The following CDK11B variants were observed in gnomAD, a reference collection of about 807,000 sequenced individuals.
CDK11B encodes the protein cyclin dependent kinase 11B.
Under a neutral mutation model 84.0 loss-of-function variants are expected in CDK11B, and 37 were observed. The ratio of observed to expected loss-of-function variants is 0.44; its 90% CI spans 0.34 to 0.58. CDK11B has a LOEUF of 0.58. CDK11B is among the 20% of genes least tolerant of loss of function. The pLI is 0.02. For missense variants in CDK11B, 427 were observed against 834.0 expected (o/e 0.51, Z 6.01); for synonymous variants, 269 against 309.8 (o/e 0.87, Z 1.38).
chr1:1,658,088 C>T (rs1451204596), intron 1 of CDK11B, among the ~76,000 whole-genome samples: 6 of 147,088 alleles, frequency 4.1e-5, no homozygotes, highest in African/African-American at 1.6e-4. Context: ...GCAGCAGAAT[C>T]GCTTGAATCC....
chr1:1,641,055 G>C lies in CDK11B; in HGVS notation c.1068C>G (p.Leu356=). 6.3e-7 allele frequency: 1 copy of C among 1,591,792 alleles called. No homozygotes were observed. Among genetic ancestry groups the C allele is most frequent in the Non-Finnish European group, 8.6e-7 (1 of 1,165,458 alleles). Residue 356 remains leucine (L), a synonymous_variant, in exon 10 of 20, where the codon CTC becomes CTG. Coordinates refer to ENST00000341832, the MANE Select transcript of CDK11B (RefSeq NM_033486.3). The stretch of plus-strand genomic sequence containing the variant: ...CTCCAGGGAGGTTCTTACCAACCAA[G>C]AGGTGGTTTTCATTTTCTCGTTCTT... ...EDEERENENH[L]LVVPESRFDR...
chr1:1,658,016 A>C (rs1643003435), intron 1 of CDK11B, among the ~76,000 whole-genome samples: 1 of 150,748 alleles, frequency 6.6e-6, no homozygotes, highest in African/African-American at 2.5e-5. Flanking sequence ...TCCACTAAAA[A>C]TACAAAACTT....
At chr1:1,638,046 G>C (rs1178144365) in intron 12 of CDK11B, among the ~76,000 whole-genome samples, 163 bp from the exon 13 acceptor site, 2 of 152,210 alleles carry the variant, frequency 1.3e-5, no homozygotes, top group Admixed American at 1.3e-4. Flanking sequence ...GAACGCCCCA[G>C]CTGAGGTCTG....
chr1:1,655,286 C>T (rs1642595697), intron 3 of CDK11B, 83 bp downstream of exon 3: 1 of 1,502,488 alleles, frequency 6.7e-7, no homozygotes, highest in South Asian at 1.3e-5. Context: ...CAACAGCACA[C>T]AGTTGTCACA....
intron 11 of CDK11B, among the ~76,000 whole-genome samples, chr1:1,639,462 T>TCC (rs1265501831): frequency 6.6e-6 from 1 of 151,644 alleles, no homozygotes; most frequent in Non-Finnish European, 1.5e-5. Context: ...ACTGGATGTG[T>TCC]CCCCTGCTTG....
At chr1:1,650,093 A>G (rs2100922803) in intron 4 of CDK11B, among the ~76,000 whole-genome samples, 1 of 150,904 alleles carries the variant, frequency 6.6e-6, no homozygotes, top group South Asian at 2.1e-4. Flanking sequence ...ACACGGTGAA[A>G]CCCCATCTCT....
At position 1,650,514 on chromosome 1, in the gene CDK11B, T is replaced by C. The variant is rs1342422518; in HGVS notation, c.356-877A>G. The stretch of plus-strand genomic sequence containing the variant: ...CCGAGTAGCTGGTACTACAGGCGCC[T>C]GCCACCACGCCCGGCTAATTTTTTG... On this transcript the variant is annotated intron_variant, in intron 4 of 19. Transcript: ENST00000341832. Among the ~76,000 whole-genome samples the C allele has an allele frequency of 4.9e-3, 733 of 150,582 alleles. 6 individuals carry two copies. The South Asian group carries it at 0.058, about 12-fold the overall frequency.
intron 5 of CDK11B, chr1:1,646,807 A>C (rs751465875): frequency 1.9e-6 from 1 of 520,034 alleles, no homozygotes; most frequent in South Asian, 1.4e-5. Flanking sequence ...CTTCTCTCTG[A>C]GCAGCTTGAG....
rs200574274 is a variant in CDK11B at position 1,646,147 on chromosome 1, T to C, written c.495-885A>G. The stretch of plus-strand genomic sequence containing the variant: ...GTACGCTGCGTCTTTTCCTGTTCTC[T>C]AGCAGACAGCATACAGTTAGATCTT... On this transcript the variant is annotated intron_variant, in intron 5 of 19. Transcript: ENST00000341832. 3,360 of 458,378 alleles carry C rather than the reference T, an allele frequency of 7.3e-3. 19 individuals carry two copies. The highest frequency in any genetic ancestry group is 0.04 in the South Asian group (2,572 of 64,586). 28.4% of individuals were successfully genotyped at this position (458,378 alleles called of 1,614,324 possible).
chr1:1,655,306 G>C, intron 3 of CDK11B, 63 bp downstream of exon 3: 2 of 1,568,970 alleles, frequency 1.3e-6, no homozygotes, highest in Non-Finnish European at 8.7e-7. Context: ...AGCGACCCTA[G>C]GAAGGACCGG....
intron 1 of CDK11B, 130 bp downstream of exon 1, chr1:1,658,784 T>C (rs2101058541): frequency 6.5e-6 from 1 of 153,524 alleles, no homozygotes; most frequent in South Asian, 1.6e-4. Flanking sequence ...GATGAGACTG[T>C]CCGCGGAAGC....
intron 15 of CDK11B, 23 bp from the exon 16 acceptor site, chr1:1,637,027 G>A: frequency 1.2e-6 from 2 of 1,613,136 alleles, no homozygotes; most frequent in Non-Finnish European, 1.7e-6. Flanking sequence ...ATGGGCGGCT[G>A]TGAGTGGGCC....
At chr1:1,650,428 C>G (rs1193012310) in intron 4 of CDK11B, among the ~76,000 whole-genome samples, 2 of 143,098 alleles carry the variant, frequency 1.4e-5, no homozygotes, top group East Asian at 4.2e-4. Flanking sequence ...TGCAGTGGCG[C>G]AATCTCGGCT....
chr1:1,652,118 T>C (rs1480559587), intron 4 of CDK11B, among the ~76,000 whole-genome samples: 1 of 151,762 alleles, frequency 6.6e-6, no homozygotes, highest in Non-Finnish European at 1.5e-5. Context: ...CTTTCAGCTA[T>C]TCTCTCTATA....
At position 1,637,213 on chromosome 1, in the gene CDK11B, G is replaced by A. The variant is rs1022555968; in HGVS notation, c.1571-11C>T. On this transcript the variant is annotated splice_polypyrimidine_tract_variant and intron_variant, in intron 14 of 19. Coordinates refer to ENST00000341832, the MANE Select transcript of CDK11B (RefSeq NM_033486.3). ...GGGTCTTCACCTCCCCTGGGAGGGAGGGAAGCTCCCATGTGGACCTGGCTG... is the reference window on the plus strand; with the variant it reads ...GGGTCTTCACCTCCCCTGGGAGGGAAGGAAGCTCCCATGTGGACCTGGCTG... 4.3e-6 allele frequency: 7 copies of A among 1,612,714 alleles called. No individual in the cohort carries two copies. The highest frequency in any genetic ancestry group is 1.3e-5 in the African/African-American group (1 of 74,888).
chr1:1,645,658 C>T (rs2100833518), intron 5 of CDK11B: 1 of 337,346 alleles, frequency 3.0e-6, no homozygotes, highest in Non-Finnish European at 5.8e-6. Context: ...GTTTACAGGC[C>T]CGAGCCACCG....
intron 5 of CDK11B, among the ~76,000 whole-genome samples, chr1:1,648,860 C>T (rs1327522679): frequency 1.3e-5 from 2 of 151,948 alleles, no homozygotes; most frequent in African/African-American, 4.8e-5. Flanking sequence ...GCCTTGACCT[C>T]CAGGCTCAAG....
rs751610598 is a variant in CDK11B at position 1,637,846 on chromosome 1, C to T, written c.1380G>A (p.Lys460=). Residue 460 remains lysine, a synonymous_variant, in exon 13 of 20, where the codon AAG becomes AAA. Coordinates refer to ENST00000341832, the MANE Select transcript of CDK11B (RefSeq NM_033486.3). ...ACGTGATCGGGAAGCCCTCCTTCTC[C>T]TTCTCCATCTTCAGCCGCTTTAGAG... The part of the protein sequence containing the change: ...IVALKRLKME[K]EKEGFPITSL... 75 of 1,613,594 alleles carry T rather than the reference C, an allele frequency of 4.6e-5. No homozygotes were observed. Among genetic ancestry groups the T allele is most frequent in the Non-Finnish European group, 6.1e-5 (72 of 1,179,672 alleles).
At chr1:1,648,972 A>G (rs1570167531) in intron 5 of CDK11B, among the ~76,000 whole-genome samples, 1 of 152,010 alleles carries the variant, frequency 6.6e-6, no homozygotes, top group African/African-American at 2.4e-5. Flanking sequence ...GTCTTCCCTC[A>G]ATCAAATCAC....
Sources: allele counts gnomAD v4.1 joint callset (sites outside exome capture counted in the v4.1 genomes callset), GRCh38; gene constraint gnomAD v4.1.1; transcripts MANE v1.5; gene names NCBI Gene and HGNC (gene_info 2026-07-23, HGNC 2026-07-21).